Variants in RBFOX1 observed in about 807,000 individuals in gnomAD.
The protein encoded by RBFOX1 is RNA binding fox-1 homolog 1.
In RBFOX1, 8 loss-of-function variants were observed where a neutral mutation model predicts 57.7. The ratio of observed to expected loss-of-function variants is 0.14; its 90% CI spans 0.08 to 0.25. The LOEUF is 0.25. RBFOX1 is among the 10% of genes least tolerant of loss of function. The pLI is 1.00. For synonymous variants in RBFOX1, 326 were observed against 222.4 expected (o/e 1.47, Z -4.15); for missense variants, 611 against 548.5 (o/e 1.11, Z -1.14).
At chr16:7,144,520 G>C (rs1600865738) in intron 4 of RBFOX1, among the ~76,000 whole-genome samples, 1 of 141,864 alleles carries the variant, frequency 7.0e-6, no homozygotes, top group South Asian at 2.3e-4. Context: ...AACGTCCCAG[G>C]CTCAAGCGAT....
intron 1 of RBFOX1, among the ~76,000 whole-genome samples, chr16:5,412,640 T>C (rs2067051902): frequency 6.6e-6 from 1 of 152,154 alleles, no homozygotes; most frequent in Non-Finnish European, 1.5e-5. Context: ...ATCGAGTCCT[T>C]ATTGTGCGCT....
At chr16:5,370,443 C>A (rs2065828687) in intron 1 of RBFOX1, among the ~76,000 whole-genome samples, 2 of 147,906 alleles carry the variant, frequency 1.4e-5, no homozygotes, top group Non-Finnish European at 3.0e-5. Context: ...TTAATTGTTC[C>A]CCGATCCAGC....
At chr16:7,070,685 A>G (rs1176444813) in intron 4 of RBFOX1, among the ~76,000 whole-genome samples, 1 of 152,208 alleles carries the variant, frequency 6.6e-6, no homozygotes, top group East Asian at 1.9e-4. Flanking sequence ...ATTTGGGAGC[A>G]CAGCTTTAGT....
intron 3 of RBFOX1, among the ~76,000 whole-genome samples, chr16:5,633,055 C>T (rs762180496): frequency 6.6e-6 from 1 of 151,676 alleles, no homozygotes; most frequent in South Asian, 2.1e-4. Context: ...TCTCCTGCCT[C>T]AGCCTCCTGA....
intron 3 of RBFOX1, among the ~76,000 whole-genome samples, chr16:6,993,094 C>T (rs1384534802): frequency 6.6e-6 from 1 of 152,180 alleles, no homozygotes; most frequent in South Asian, 2.1e-4. Context: ...TGTTAGTCTA[C>T]TGCATTCATC....
chr16:7,654,600 C>G (rs781338854), intron 12 of RBFOX1, among the ~76,000 whole-genome samples: 1 of 152,006 alleles, frequency 6.6e-6, no homozygotes, highest in Non-Finnish European at 1.5e-5. Flanking sequence ...TTTGATATTG[C>G]CAGGCGAATG....
intron 3 of RBFOX1, among the ~76,000 whole-genome samples, chr16:6,794,297 T>TTG (rs2083523925): frequency 6.6e-6 from 1 of 150,902 alleles, no homozygotes; most frequent in Non-Finnish European, 1.5e-5. Context: ...TTTTTTTTTT[T>TTG]TTTTACAATG....
intron 4 of RBFOX1, among the ~76,000 whole-genome samples, chr16:5,902,358 G>C (rs1183168477): frequency 6.6e-6 from 1 of 152,136 alleles, no homozygotes; most frequent in Non-Finnish European, 1.5e-5. Context: ...TTCCCACAGA[G>C]AAATGCTCTG....
At chr16:6,020,131 T>A in intron 1 of RBFOX1, 139 bp downstream of exon 1, 2 of 1,016,402 alleles carry the variant, frequency 2.0e-6, no homozygotes, top group South Asian at 2.4e-5. Flanking sequence ...GGACGGGAAC[T>A]TTTTCAGGGT....
intron 3 of RBFOX1, among the ~76,000 whole-genome samples, chr16:6,833,411 C>A (rs1166615884): frequency 6.6e-6 from 1 of 152,160 alleles, no homozygotes; most frequent in African/African-American, 2.4e-5. Context: ...AGGTGATCAA[C>A]CTGCCTCGGC....
At chr16:6,622,758 A>G (rs1045291628) in intron 2 of RBFOX1, among the ~76,000 whole-genome samples, 5 of 152,214 alleles carry the variant, frequency 3.3e-5, no homozygotes, top group African/African-American at 9.6e-5. Context: ...CTTTATATTT[A>G]AATAATGATT....
chr16:7,051,863 C>A (rs1383680594), intron 3 of RBFOX1, among the ~76,000 whole-genome samples, 194 bp from the exon 4 acceptor site: 1 of 152,220 alleles, frequency 6.6e-6, no homozygotes, highest in African/African-American at 2.4e-5. Context: ...CTTATCCTAG[C>A]TGTGCTTCTG....
chr16:6,601,974 TTC>T (rs1567838074), intron 2 of RBFOX1, among the ~76,000 whole-genome samples: 3 of 151,944 alleles, frequency 2.0e-5, no homozygotes, highest in African/African-American at 7.3e-5. Flanking sequence ...TAAACAACTC[TTC>T]TCTCTTGTCA....
intron 3 of RBFOX1, among the ~76,000 whole-genome samples, chr16:5,637,323 A>G (rs1389796864): frequency 1.3e-5 from 2 of 152,142 alleles, no homozygotes; most frequent in African/African-American, 2.4e-5. Flanking sequence ...CCCAGTTTAA[A>G]TAAGTCATGT....
intron 1 of RBFOX1, among the ~76,000 whole-genome samples, chr16:5,395,547 G>C (rs186349507): frequency 6.6e-5 from 10 of 152,268 alleles, no homozygotes; most frequent in Non-Finnish European, 2.9e-5. Flanking sequence ...TCTAGCCTTA[G>C]GTTTTTAAAA....
intron 4 of RBFOX1, among the ~76,000 whole-genome samples, chr16:7,301,510 A>C (rs1291036301): frequency 6.6e-6 from 1 of 152,228 alleles, no homozygotes; most frequent in Non-Finnish European, 1.5e-5. Context: ...TCTAATCACT[A>C]CTGAGGGGTT....
intron 1 of RBFOX1, among the ~76,000 whole-genome samples, chr16:5,400,323 C>T (rs2066679191): frequency 6.6e-6 from 1 of 151,870 alleles, no homozygotes; most frequent in African/African-American, 2.4e-5. Flanking sequence ...CAACTCCTGA[C>T]CTCTAATGAT....
At chr16:6,699,430 T>C (rs1228769731) in intron 3 of RBFOX1, among the ~76,000 whole-genome samples, 2 of 152,242 alleles carry the variant, frequency 1.3e-5, no homozygotes, top group African/African-American at 4.8e-5. Flanking sequence ...CTGCGTGTCT[T>C]TGAAGGAGAA....
At chr16:6,082,388 G>A (rs1259526551) in intron 1 of RBFOX1, among the ~76,000 whole-genome samples, 1 of 52,420 alleles carries the variant, frequency 1.9e-5, no homozygotes, top group South Asian at 5.9e-4. Flanking sequence ...ATTTTTAGTA[G>A]TCATGGGGTC....
Sources: gnomAD v4.1 joint callset for allele counts (sites outside exome capture counted in the v4.1 genomes callset) on GRCh38, gnomAD v4.1.1 for gene constraint, MANE v1.5 for transcripts, NCBI Gene and HGNC (gene_info 2026-07-23, HGNC 2026-07-21) for gene names.